The following TLCD4 variants were observed in gnomAD, a reference collection of about 807,000 sequenced individuals.
TLCD4 encodes the protein TLC domain containing 4.
Under a neutral mutation model 24.2 loss-of-function variants are expected in TLCD4, and 7 were observed. The observed-to-expected ratio is 0.29, with a 90% CI of 0.16 to 0.54. TLCD4 has a LOEUF of 0.54. TLCD4 is among the 20% of genes least tolerant of loss of function. The pLI is 0.95. For synonymous variants in TLCD4, 103 were observed against 106.4 expected, an observed-to-expected ratio of 0.97 and a Z score of 0.20; for missense variants, 259 against 313.9, an observed-to-expected ratio of 0.82 and a Z score of 1.32.
chr1:95,135,216 C>T (rs2100922264), intron 1 of TLCD4, among the ~76,000 whole-genome samples: 1 of 152,174 alleles, frequency 6.6e-6, no homozygotes, highest in Non-Finnish European at 1.5e-5. Context: ...TTGCAGAGTC[C>T]TCTGAAAGTT....
At chr1:95,108,635 T>C in the TLCD4 span, among the ~76,000 whole-genome samples, 6 of 152,200 alleles carry the variant, frequency 3.9e-5, no homozygotes, top group Non-Finnish European at 8.8e-5. Context: ...TTGTAATACA[T>C]TTGTATATTC....
At chr1:95,110,344 T>C in the TLCD4 span, among the ~76,000 whole-genome samples, 1 of 152,050 alleles carries the variant, frequency 6.6e-6, no homozygotes, top group Non-Finnish European at 1.5e-5. Flanking sequence ...CCCTATTAAA[T>C]TTGAAGCTGG....
At chr1:95,191,402 C>T in intron 6 of TLCD4, 148 bp from the exon 7 acceptor site, 1 of 994,030 alleles carries the variant, frequency 1.0e-6, no homozygotes, top group South Asian at 1.9e-5. Flanking sequence ...TGTGAGTCCT[C>T]CAACTTTGTT....
chr1:95,144,746 A>G (rs1189793353), intron 2 of TLCD4, among the ~76,000 whole-genome samples: 3 of 152,028 alleles, frequency 2.0e-5, no homozygotes, highest in Non-Finnish European at 4.4e-5. Context: ...GCTGGAGTGC[A>G]GTGGTGAAAT....
rs778566826 is a variant in TLCD4 at position 95,173,802 on chromosome 1, T to C, written c.400-14T>C. On this transcript the variant is annotated splice_polypyrimidine_tract_variant and intron_variant, in intron 5 of 6. Transcript: ENST00000370203. ...ATGTTATCCTTGACGTTGTGTTTTA[T>C]GTTTATCATTCAGAAAAATGGAGTG... 28 of 1,614,014 alleles carry C rather than the reference T, an allele frequency of 1.7e-5. No homozygotes were observed. The Admixed American group carries it at 1.8e-4, about 11-fold the overall frequency.
chr1:95,136,410 T>C (rs1677043045), intron 1 of TLCD4, among the ~76,000 whole-genome samples: 1 of 152,260 alleles, frequency 6.6e-6, no homozygotes, highest in Non-Finnish European at 1.5e-5. Flanking sequence ...TTGGATTCAT[T>C]ATTTCAGCTA....
At chr1:95,115,786 A>G (rs143252344), upstream of TLCD4, among the ~76,000 whole-genome samples, 137 of 152,322 alleles carry the variant, frequency 9.0e-4, no homozygotes, top group South Asian at 3.1e-3. Flanking sequence ...GAACAGAGCT[A>G]CTATCAGCCA....
chr1:95,168,174 T>C (rs894014095), intron 5 of TLCD4, among the ~76,000 whole-genome samples: 4 of 152,358 alleles, frequency 2.6e-5, no homozygotes, highest in East Asian at 3.9e-4. Flanking sequence ...CCATTCATTA[T>C]AGATTTCTTG....
intron 5 of TLCD4, among the ~76,000 whole-genome samples, chr1:95,173,084 A>T (rs1234044083): frequency 6.6e-6 from 1 of 152,190 alleles, no homozygotes; most frequent in African/African-American, 2.4e-5. Context: ...TAGCTCCAGG[A>T]TCTTCTGATT....
the TLCD4 span, among the ~76,000 whole-genome samples, chr1:95,110,128 A>T: frequency 6.6e-5 from 10 of 151,036 alleles, no homozygotes; most frequent in Admixed American, 5.3e-4. Context: ...ATATTTAAAA[A>T]ATATATATAT....
At chr1:95,111,322 A>AC in the TLCD4 span, among the ~76,000 whole-genome samples, 6 of 139,278 alleles carry the variant, frequency 4.3e-5, no homozygotes, top group African/African-American at 7.9e-5. Context: ...ACAAAACAAA[A>AC]AAAAAGAAAA....
At chr1:95,143,252 C>A (rs1677254854) in intron 1 of TLCD4, among the ~76,000 whole-genome samples, 1 of 152,032 alleles carries the variant, frequency 6.6e-6, no homozygotes, top group Admixed American at 6.5e-5. Flanking sequence ...TGATTTAGTT[C>A]TAGGAAGTCA....
intron 1 of TLCD4, among the ~76,000 whole-genome samples, chr1:95,122,443 A>G (rs1247755696): frequency 2.9e-4 from 44 of 152,326 alleles, no homozygotes; most frequent in Non-Finnish European, 4.4e-5. Flanking sequence ...TGCTTTTATC[A>G]TTGATATTCC....
chr1:95,166,923 T>C (rs927096088), intron 5 of TLCD4, among the ~76,000 whole-genome samples: 2 of 151,978 alleles, frequency 1.3e-5, no homozygotes, highest in Non-Finnish European at 2.9e-5. Context: ...TTTGTAGACG[T>C]GGGGTCTTAC....
chr1:95,116,643 C>T (rs1018965043), upstream of TLCD4, among the ~76,000 whole-genome samples: 1 of 152,144 alleles, frequency 6.6e-6, no homozygotes, highest in Admixed American at 6.5e-5. Context: ...CACTTGGAGG[C>T]TTTTGGGGCT....
chr1:95,140,095 TTG>T (rs571487953), intron 1 of TLCD4, among the ~76,000 whole-genome samples: 16 of 152,186 alleles, frequency 1.1e-4, no homozygotes, highest in Non-Finnish European at 2.1e-4. Context: ...TTACAGTTAA[TTG>T]TGTGTGTGGT....
At chr1:95,145,851 T>C (rs150723660) in intron 2 of TLCD4, among the ~76,000 whole-genome samples, 3 of 152,282 alleles carry the variant, frequency 2.0e-5, no homozygotes, top group Non-Finnish European at 2.9e-5. Context: ...GGAAATACCA[T>C]TTGGGAAACT....
In TLCD4 at chr1:95,137,982, C is replaced by G. The variant is rs139485280; in HGVS notation, c.-11-5909C>G. ...TGAACTCCTGGCCTGAAGCAGTCCT[C>G]CTACCTGGGCCTCCTAAAGTGCTGG... is the stretch of plus-strand genomic sequence containing the variant. On this transcript the variant is annotated intron_variant, in intron 1 of 6. Transcript: ENST00000370203. 4.7e-3 allele frequency among the ~76,000 whole-genome samples: 718 copies of G among 152,228 alleles called. 8 individuals are homozygous for G. The highest frequency in any genetic ancestry group is 0.016 in the African/African-American group (672 of 41,536).
chr1:95,187,839 A>T (rs1246199892), intron 6 of TLCD4, among the ~76,000 whole-genome samples: 1 of 151,246 alleles, frequency 6.6e-6, no homozygotes, highest in Non-Finnish European at 1.5e-5. Flanking sequence ...GATGTCCAAG[A>T]CCAAGGTGCC....
Sources: gnomAD v4.1 joint callset for allele counts (sites outside exome capture counted in the v4.1 genomes callset) on GRCh38, gnomAD v4.1.1 for gene constraint, MANE v1.5 for transcripts, NCBI Gene and HGNC (gene_info 2026-07-23, HGNC 2026-07-21) for gene names.